ADAMTSL3: variants seen among roughly 807,000 people sequenced by gnomAD.
ADAMTSL3 encodes the protein ADAMTS like 3.
A neutral mutation model predicts 201.7 loss-of-function variants in ADAMTSL3; 128 were observed. The ratio of observed to expected loss-of-function variants is 0.63; its 90% confidence interval spans 0.55 to 0.73. The LOEUF is 0.73. Ranked by LOEUF, ADAMTSL3 falls within the 30% of genes least tolerant of loss-of-function variation. The probability of loss-of-function intolerance (pLI) is 0.00; values close to 1 mark genes in which losing one functional copy is unlikely to be tolerated. For missense variants in ADAMTSL3, 1,990 were observed against 2,119.6 expected (o/e 0.94, Z 1.20); for synonymous variants, 738 against 748.4 (o/e 0.99, Z 0.23).
intron 13 of ADAMTSL3, 49 bp downstream of exon 13, chr15:83,892,937 G>A: frequency 6.4e-7 from 1 of 1,556,442 alleles, no homozygotes; most frequent in Non-Finnish European, 8.8e-7. Flanking sequence ...TATTTTAAGG[G>A]ATATTTTCTA....
intron 2 of ADAMTSL3, among the ~76,000 whole-genome samples, chr15:83,675,923 G>A (rs543262069): frequency 2.0e-5 from 3 of 152,104 alleles, no homozygotes; most frequent in Admixed American, 2.0e-4. Context: ...ATGGTTGCAG[G>A]ATCTGTAGTG....
chr15:83,911,432 A>C (rs1199096542), intron 15 of ADAMTSL3, among the ~76,000 whole-genome samples: 1 of 152,196 alleles, frequency 6.6e-6, no homozygotes, highest in African/African-American at 2.4e-5. Context: ...GTCCTTTTAA[A>C]TGACTACATA....
rs372519034 is a variant in ADAMTSL3, at chr15:83,845,907, G to T, written c.727+7692G>T. ...TAGTTTTTGCACTGACCCCCTCATTGGTATGTGAGCTCCTCAAGAACCTCA... is the reference window on the plus strand; with the variant it reads ...TAGTTTTTGCACTGACCCCCTCATTTGTATGTGAGCTCCTCAAGAACCTCA... On this transcript the variant is annotated intron_variant, in intron 7 of 29. Coordinates refer to ENST00000286744, the MANE Select transcript of ADAMTSL3 (RefSeq NM_207517.3). Among the ~76,000 whole-genome samples, 30 of 152,208 alleles carry T rather than the reference G, an allele frequency of 2.0e-4. No homozygotes were observed. In the East Asian group the frequency reaches 5.6e-3, roughly 28 times the overall value.
chr15:83,796,507 G>T (rs1596225843), intron 4 of ADAMTSL3, among the ~76,000 whole-genome samples: 1 of 152,034 alleles, frequency 6.6e-6, no homozygotes, highest in East Asian at 1.9e-4. Flanking sequence ...CTAAATAAAA[G>T]GAGAGCTATA....
intron 5 of ADAMTSL3, among the ~76,000 whole-genome samples, chr15:83,808,718 A>T (rs1335056373): frequency 3.3e-5 from 5 of 152,204 alleles, no homozygotes; most frequent in Admixed American, 2.6e-4. Flanking sequence ...CAAGGTATGG[A>T]ATCAACTTAA....
At chr15:83,659,782 A>G (rs904659099) in intron 2 of ADAMTSL3, among the ~76,000 whole-genome samples, 2 of 152,226 alleles carry the variant, frequency 1.3e-5, no homozygotes, top group African/African-American at 4.8e-5. Flanking sequence ...AGTCAGAGGC[A>G]GAGGTAGTAG....
chr15:83,978,123 A>G (rs1032110837), intron 20 of ADAMTSL3, among the ~76,000 whole-genome samples: 3 of 152,202 alleles, frequency 2.0e-5, no homozygotes, highest in African/African-American at 7.2e-5. Flanking sequence ...AAATGCTGCC[A>G]AGACCATGCA....
At chr15:84,027,125 C>T (rs774220143) in intron 27 of ADAMTSL3, among the ~76,000 whole-genome samples, 4 of 152,054 alleles carry the variant, frequency 2.6e-5, no homozygotes, top group African/African-American at 9.7e-5. Context: ...AATAAGCACA[C>T]GAAGGGATGC....
chr15:83,733,110 A>G (rs1398363954), intron 3 of ADAMTSL3, among the ~76,000 whole-genome samples: 5 of 152,164 alleles, frequency 3.3e-5, no homozygotes, highest in Admixed American at 1.3e-4. Context: ...GGGTGTAATC[A>G]CAAGAGTGAA....
At chr15:83,823,944 T>TTCC (rs1567169689) in intron 6 of ADAMTSL3, among the ~76,000 whole-genome samples, 2 of 99,510 alleles carry the variant, frequency 2.0e-5, no homozygotes, top group South Asian at 3.1e-4. Context: ...CTTCTTCTTC[T>TTCC]TCTTCTTCTT....
chr15:83,842,693 A>G (rs916628709), intron 7 of ADAMTSL3, among the ~76,000 whole-genome samples: 19 of 152,342 alleles, frequency 1.2e-4, no homozygotes, highest in Non-Finnish European at 2.4e-4. Flanking sequence ...AAGTGTGAAA[A>G]CAGAGTGATT....
intron 2 of ADAMTSL3, among the ~76,000 whole-genome samples, chr15:83,656,765 T>A (rs1301936953): frequency 1.3e-5 from 2 of 152,220 alleles, no homozygotes; most frequent in African/African-American, 4.8e-5. Flanking sequence ...TGGTGGCCTG[T>A]GTACCCTCAG....
In ADAMTSL3 at chr15:83,796,435, G is replaced by A. The variant is rs116725311; in HGVS notation, c.318-8215G>A. Reference sequence around the variant, plus strand: ...AAAGGCAGTACTAGTAAAATATATGGTATGTTGTAATAAGTTCAATAAAAA... The same window carrying A: ...AAAGGCAGTACTAGTAAAATATATGATATGTTGTAATAAGTTCAATAAAAA... On this transcript the variant is annotated intron_variant, in intron 4 of 29. Coordinates refer to ENST00000286744, the MANE Select transcript of ADAMTSL3 (RefSeq NM_207517.3). Among the ~76,000 whole-genome samples the A allele has an allele frequency of 2.3e-3, 343 of 152,202 alleles. 1 individual carries two copies. Among genetic ancestry groups the A allele is most frequent in the African/African-American group, 8.1e-3 (335 of 41,516 alleles).
chr15:83,951,036 A>C (rs1329950137), intron 19 of ADAMTSL3, among the ~76,000 whole-genome samples: 15 of 145,416 alleles, frequency 1.0e-4, no homozygotes, highest in Non-Finnish European at 1.9e-4. Context: ...TCCTCTAACT[A>C]GGACTACTAG....
intron 3 of ADAMTSL3, among the ~76,000 whole-genome samples, chr15:83,742,779 T>C (rs928416650): frequency 8.5e-5 from 13 of 152,364 alleles, no homozygotes; most frequent in Non-Finnish European, 1.6e-4. Context: ...GGAGAGTTCC[T>C]TTCCAATGAT....
intron 7 of ADAMTSL3, among the ~76,000 whole-genome samples, chr15:83,843,927 A>C (rs1033055833): frequency 2.6e-5 from 4 of 152,210 alleles, no homozygotes; most frequent in Non-Finnish European, 5.9e-5. Context: ...AACCAACATA[A>C]ACAGCTTTGG....
chr15:84,030,469 G>A (rs968827470), intron 27 of ADAMTSL3, among the ~76,000 whole-genome samples: 1 of 152,184 alleles, frequency 6.6e-6, no homozygotes, highest in Non-Finnish European at 1.5e-5. Flanking sequence ...GGGGCCTATA[G>A]TCCCATTATT....
chr15:83,929,018 A>C (rs180875830), intron 17 of ADAMTSL3, among the ~76,000 whole-genome samples: 3 of 152,300 alleles, frequency 2.0e-5, no homozygotes, highest in Non-Finnish European at 4.4e-5. Flanking sequence ...GAACTGTTTC[A>C]CAAGTTTCTA....
At chr15:83,909,085 G>T (rs2065890884) in intron 15 of ADAMTSL3, among the ~76,000 whole-genome samples, 1 of 152,154 alleles carries the variant, frequency 6.6e-6, no homozygotes, top group African/African-American at 2.4e-5. Flanking sequence ...GTAAATTCCT[G>T]TTACACTTCA....
Sources: allele counts gnomAD v4.1 joint callset (sites outside exome capture counted in the v4.1 genomes callset), GRCh38; gene constraint gnomAD v4.1.1; transcripts MANE v1.5; gene names NCBI Gene and HGNC (gene_info 2026-07-23, HGNC 2026-07-21).